Variants in VPS29 observed in about 807,000 individuals in gnomAD.
VPS29 encodes the protein vacuolar protein sorting-associated protein 29.
A neutral mutation model predicts 20.0 loss-of-function variants in VPS29; 2 were observed. The ratio of observed to expected loss-of-function variants is 0.10; its 90% CI spans 0.04 to 0.31. VPS29 has a LOEUF of 0.31. Ranked by LOEUF, VPS29 falls within the 10% of genes least tolerant of loss-of-function variation. The pLI, the probability that VPS29 is intolerant of heterozygous loss-of-function variation, is 1.00. For missense variants in VPS29, 120 were observed against 215.3 expected (o/e 0.56, Z 2.77); for synonymous variants, 81 against 79.3 (o/e 1.02, Z -0.12).
Position 110,501,619 on chromosome 12 carries a change from A to G in VPS29, c.3+430T>C, listed in dbSNP as rs757192871. On this transcript the variant is annotated intron_variant, in intron 1 of 3. Transcript: ENST00000549578. ...CTCGCTACTTCCTGTTCTGCATTCG[A>G]GAGGCCAGCTTCCACCACTACACCC... 5.5e-5 allele frequency: 84 copies of G among 1,534,418 alleles called. 2 individuals carry two copies. In the South Asian group the frequency reaches 6.2e-4, roughly 11 times the overall value.
At chr12:110,500,485 CTG>C (rs907990557) in intron 1 of VPS29, among the ~76,000 whole-genome samples, 5 of 152,084 alleles carry the variant, frequency 3.3e-5, no homozygotes, top group Non-Finnish European at 7.3e-5. Flanking sequence ...AAATTGGAGT[CTG>C]TTTAGAAGCA....
intron 2 of VPS29, among the ~76,000 whole-genome samples, chr12:110,493,500 C>T (rs545536337): frequency 1.3e-5 from 2 of 152,066 alleles, no homozygotes; most frequent in East Asian, 3.9e-4. Flanking sequence ...GCTGGGATTA[C>T]AGGCACCCGC....
intron 3 of VPS29, 45 bp from the exon 4 acceptor site, chr12:110,492,167 A>ACT: frequency 1.4e-6 from 2 of 1,406,520 alleles, no homozygotes; most frequent in Non-Finnish European, 2.0e-6. Flanking sequence ...AGCACAAAGC[A>ACT]GCAGCACTAT....
In VPS29 at chr12:110,495,549, A is replaced by G. The variant is rs144085746; in HGVS notation, c.195+463T>C. ...AACACGGCAAAACGCCATCTCTACT[A>G]AAAAAAAAAATAGCTGGATGTGATG... On this transcript the variant is annotated intron_variant, in intron 2 of 3. Transcript: ENST00000549578. 3.4e-3 allele frequency among the ~76,000 whole-genome samples: 501 copies of G among 146,870 alleles called. 4 individuals are homozygous for G. The highest frequency in any genetic ancestry group is 0.019 in the South Asian group (89 of 4,690).
intron 1 of VPS29, among the ~76,000 whole-genome samples, chr12:110,499,867 T>C (rs1193292782): frequency 6.6e-6 from 1 of 152,346 alleles, no homozygotes; most frequent in East Asian, 1.9e-4. Flanking sequence ...CCATCTCTGT[T>C]TTCCATTCTG....
At chr12:110,499,506 G>C (rs1485098821) in intron 1 of VPS29, 1 of 1,612,344 alleles carries the variant, frequency 6.2e-7, no homozygotes, top group Non-Finnish European at 8.5e-7. Context: ...AACCACCACT[G>C]TTAGTAGGAG....
intron 1 of VPS29, among the ~76,000 whole-genome samples, chr12:110,498,389 A>G (rs1322029965): frequency 6.6e-6 from 1 of 152,250 alleles, no homozygotes; most frequent in Non-Finnish European, 1.5e-5. Flanking sequence ...TTTTAAAGGC[A>G]TGACTATTCT....
chr12:110,492,837 T>G, intron 3 of VPS29, 159 bp downstream of exon 3: 4 of 640,762 alleles, frequency 6.2e-6, no homozygotes, highest in Non-Finnish European at 1.1e-5. Context: ...TTGTCTAGGC[T>G]GGTCTCAAAC....
intron 2 of VPS29, among the ~76,000 whole-genome samples, chr12:110,493,722 T>C (rs2062855089): frequency 6.6e-6 from 1 of 152,314 alleles, no homozygotes; most frequent in Non-Finnish European, 1.5e-5. Flanking sequence ...TTTTAAAACA[T>C]AACTTACTCA....
intron 3 of VPS29, 104 bp from the exon 4 acceptor site, chr12:110,492,226 A>G (rs921100075): frequency 4.4e-6 from 4 of 904,696 alleles, no homozygotes; most frequent in Non-Finnish European, 7.0e-6. Flanking sequence ...TCTGTTACAT[A>G]TCACATGAAC....
chr12:110,496,434 T>C (rs2062907626), intron 1 of VPS29: 1 of 394,906 alleles, frequency 2.5e-6, no homozygotes, highest in Non-Finnish European at 4.6e-6. Context: ...ATCATGACAA[T>C]TTAAACAGAC....
chr12:110,501,285 G>A lies in VPS29; in HGVS notation c.3+764C>T, dbSNP rs953384773. 4 of 1,175,596 alleles carry A rather than the reference G, an allele frequency of 3.4e-6. No homozygotes were observed. In the Admixed American group the frequency reaches 6.4e-5, roughly 19 times the overall value. 72.8% of individuals were successfully genotyped at this position (1,175,596 alleles called of 1,614,324 possible). On this transcript the variant is annotated intron_variant, in intron 1 of 3. Transcript: ENST00000549578. ...GGCACCAAACTACTGGGGGTGAAGG[G>A]GTGATTGCTTGAAGGTGGCTGGGGG...
intron 2 of VPS29, among the ~76,000 whole-genome samples, chr12:110,493,477 A>T (rs1217045210): frequency 6.6e-6 from 1 of 151,634 alleles, no homozygotes; most frequent in African/African-American, 2.4e-5. Flanking sequence ...CTCCTGTCTC[A>T]GCCTCCCAAG....
rs1450965063 is a variant in VPS29 at position 110,491,199 on chromosome 12, C to T, written c.*806G>A. 1 of 152,032 alleles carries T rather than the reference C, an allele frequency of 6.6e-6. No homozygotes were observed. The highest frequency in any genetic ancestry group is 2.4e-5 in the African/African-American group (1 of 41,364). 9.4% of individuals were successfully genotyped at this position (152,032 alleles called of 1,614,324 possible). On this transcript the variant is annotated 3_prime_UTR_variant, in exon 4 of 4. Transcript: ENST00000549578. ...GATTCAAGTGATTCTACTGCCTCAG[C>T]CTCCCGAGTAGCTGGGAATACAGGC...
chr12:110,501,700 G>T, intron 1 of VPS29: 1 of 1,369,172 alleles, frequency 7.3e-7, no homozygotes, highest in Non-Finnish European at 1.0e-6. Flanking sequence ...TGGAAACGGA[G>T]GACCGTGCCC....
At chr12:110,499,220 C>A in intron 1 of VPS29, 1 of 269,786 alleles carries the variant, frequency 3.7e-6, no homozygotes, top group East Asian at 6.9e-5. Flanking sequence ...CTTACTAGGA[C>A]AGAATCCTCT....
rs935585233 is a variant in VPS29 at position 110,492,874 on chromosome 12, T to C, written c.431+122A>G. The C allele has an allele frequency of 2.1e-5, 18 of 849,056 alleles. No individual in the cohort carries two copies. The East Asian group carries it at 4.6e-4, about 22-fold the overall frequency. The allele number at this position is 849,056 out of a possible 1,614,324, so 52.6% of individuals were successfully genotyped here. On this transcript the variant is annotated intron_variant, in intron 3 of 3. Coordinates refer to ENST00000549578, the MANE Select transcript of VPS29 (RefSeq NM_016226.5). ...CCTGGGCTCAAGCAACCTGCCCTGG[T>C]CTCCCGAAGTGCTGGTATTACAGGC...
At chr12:110,501,440 GGAAA>G (rs772972644) in intron 1 of VPS29, 3 of 1,535,438 alleles carry the variant, frequency 2.0e-6, no homozygotes. Context: ...AGCAACCCGT[GGAAA>G]GAAACAGTTC....
At chr12:110,500,715 A>C (rs2063000938) in intron 1 of VPS29, among the ~76,000 whole-genome samples, 1 of 152,180 alleles carries the variant, frequency 6.6e-6, no homozygotes, top group Non-Finnish European at 1.5e-5. Context: ...CATCAACACA[A>C]ATATGAAGAT....
Sources: allele counts gnomAD v4.1 joint callset (sites outside exome capture counted in the v4.1 genomes callset), GRCh38; gene constraint gnomAD v4.1.1; transcripts MANE v1.5; gene names NCBI Gene and HGNC (gene_info 2026-07-23, HGNC 2026-07-21).